The following PIWIL1 variants were observed in gnomAD, a reference collection of about 807,000 sequenced individuals.
PIWIL1 encodes the protein piwi like RNA-mediated gene silencing 1, also known as piwi-like protein 1.
PIWIL1 carries 73 observed loss-of-function variants against 114.4 expected under a neutral mutation model. That is an observed-to-expected ratio of 0.64 (90% CI 0.53 to 0.78). PIWIL1 has a LOEUF of 0.78. PIWIL1 is among the 30% of genes least tolerant of loss of function. The pLI is 0.00. For missense variants in PIWIL1, 723 were observed against 1,063.1 expected (o/e 0.68, Z 4.45); for synonymous variants, 375 against 369.0 (o/e 1.02, Z -0.19).
chr12:130,412,895 G>C, the PIWIL1 span: 1 of 1,063,562 alleles, frequency 9.4e-7, no homozygotes, highest in South Asian at 1.8e-5. Context: ...TTTAAATATA[G>C]TTTAAAAATA....
the PIWIL1 span, among the ~76,000 whole-genome samples, chr12:130,389,027 G>T: frequency 3.3e-5 from 5 of 152,096 alleles, no homozygotes; most frequent in East Asian, 5.8e-4. Context: ...AGGCATTTCT[G>T]TTGAGTTTTT....
At chr12:130,366,542 T>C (rs961147343) in intron 18 of PIWIL1, 1 of 152,168 alleles carries the variant, frequency 6.6e-6, no homozygotes, top group Non-Finnish European at 1.5e-5. Flanking sequence ...GCATCTGGCG[T>C]GTGGTAGGCC....
At chr12:130,361,956 A>G (rs1223077608) in intron 16 of PIWIL1, among the ~76,000 whole-genome samples, 1 of 152,252 alleles carries the variant, frequency 6.6e-6, no homozygotes, top group Admixed American at 6.5e-5. Context: ...GTATTTCAAC[A>G]TAATAGCATT....
the PIWIL1 span, chr12:130,414,765 C>T: frequency 6.5e-6 from 1 of 154,678 alleles, no homozygotes; most frequent in African/African-American, 2.4e-5. Context: ...GCAACAAATG[C>T]ATCCTTATTA....
downstream of PIWIL1, among the ~76,000 whole-genome samples, chr12:130,373,650 CAG>C (rs2073845091): frequency 6.6e-6 from 1 of 152,114 alleles, no homozygotes; most frequent in Non-Finnish European, 1.5e-5. Context: ...TCGGGACTCT[CAG>C]GGGAGAGGCC....
In PIWIL1 at chr12:130,343,003, G is replaced by A. The variant is rs755742617; in HGVS notation, c.92G>A (p.Gly31Asp). 2 of 1,613,862 alleles carry A rather than the reference G, an allele frequency of 1.2e-6. No homozygotes were observed. The highest frequency in any genetic ancestry group is 1.3e-5 in the African/African-American group (1 of 75,038). Residue 31 changes from glycine to aspartate, a missense_variant, in exon 3 of 21, where the codon GGT becomes GAT. Around this residue, in one of 8 missense-constraint regions of PIWIL1, gnomAD observed 91 missense variants for 76.2 expected, o/e 1.19. Coordinates refer to ENST00000245255, the MANE Select transcript of PIWIL1 (RefSeq NM_004764.5). ...LVGSTASQQP[G>D]YIQPRPQPPP... The stretch of plus-strand genomic sequence containing the variant: ...ATGTAACTACAGAGTCAGCAACCTG[G>A]TTATATTCAGCCTAGGCCTCAGCCG...
chr12:130,416,017 G>A, the PIWIL1 span, among the ~76,000 whole-genome samples: 391 of 151,928 alleles, frequency 2.6e-3, 12 homozygotes, highest in East Asian at 0.069. Context: ...CACACAGAAT[G>A]TACCTAACCA....
At chr12:130,376,976 C>T (rs543257342), downstream of PIWIL1, among the ~76,000 whole-genome samples, 19 of 152,332 alleles carry the variant, frequency 1.2e-4, no homozygotes, top group East Asian at 3.9e-4. Flanking sequence ...CCCAAGTTCC[C>T]GTGTGTTCCT....
Position 130,346,480 on chromosome 12 carries a change from A to G in PIWIL1, c.427A>G (p.Arg143Gly). Residue 143 changes from arginine to glycine, a missense_variant, in exon 5 of 21, where the codon AGA (arginine) becomes GGA (glycine). Transcript: ENST00000245255. ...HIDYNPLMEARRLRSALLFQH... is the reference protein window; with the variant it reads ...HIDYNPLMEAGRLRSALLFQH... ...TGACTATAACCCACTGATGGAAGCC[A>G]GAAGACTCCGTTCAGCTCTTCTTTT... 2 of 1,614,072 alleles carry G rather than the reference A, an allele frequency of 1.2e-6. No homozygotes were observed. The highest frequency in any genetic ancestry group is 1.7e-6 in the Non-Finnish European group (2 of 1,179,886).
At chr12:130,365,695 C>T (rs2073636138) in intron 18 of PIWIL1, among the ~76,000 whole-genome samples, 1 of 152,132 alleles carries the variant, frequency 6.6e-6, no homozygotes, top group South Asian at 2.1e-4. Context: ...AATTGTTTCT[C>T]GTGATGTTAT....
rs73450265 is a variant in PIWIL1 at position 130,367,056 on chromosome 12, C to A, written c.2196-77C>A. On this transcript the variant is annotated intron_variant, in intron 18 of 20. Coordinates refer to ENST00000245255, the MANE Select transcript of PIWIL1 (RefSeq NM_004764.5). ...GGGATGTGTTCCTTTTTAAATGGAGCATGTGAACACCTGAATGAATGAGTG... is the reference window on the plus strand; with the variant it reads ...GGGATGTGTTCCTTTTTAAATGGAGAATGTGAACACCTGAATGAATGAGTG... The A allele has an allele frequency of 7.0e-3, 10,638 of 1,519,110 alleles. 121 individuals carry two copies. Among genetic ancestry groups the A allele is most frequent in the East Asian group, 0.052 (2,294 of 44,106 alleles). The allele number at this position is 1,519,110 out of a possible 1,614,324, so 94.1% of individuals were successfully genotyped here.
At chr12:130,387,979 G>A in the PIWIL1 span, among the ~76,000 whole-genome samples, 5 of 152,164 alleles carry the variant, frequency 3.3e-5, no homozygotes, top group South Asian at 2.1e-4. Flanking sequence ...TTTCCTAGAA[G>A]TTTATAACTT....
chr12:130,348,639 A>G (rs12311736), intron 7 of PIWIL1, among the ~76,000 whole-genome samples: 5,312 of 152,266 alleles, frequency 0.035, 113 homozygotes, highest in African/African-American at 0.058. Context: ...GTGGTGGCTC[A>G]TGCCTGTAGT....
chr12:130,407,609 G>A, the PIWIL1 span: 21 of 849,928 alleles, frequency 2.5e-5, no homozygotes, highest in South Asian at 1.4e-4. Context: ...CCCTTCCTAC[G>A]GATGGTTCGG....
the PIWIL1 span, chr12:130,424,970 G>T: frequency 4.4e-5 from 24 of 544,032 alleles, no homozygotes; most frequent in Middle Eastern, 5.4e-4. The surrounding 1 kb of genome is among the most constrained non-coding windows in gnomAD (Gnocchi z 9.8). Context: ...GAGGCACCGA[G>T]GGGGGGGAAG....
At position 130,346,477 on chromosome 12, in the gene PIWIL1, G is replaced by T. The variant is rs375349486; in HGVS notation, c.424G>T (p.Ala142Ser). 129 of 1,613,708 alleles carry T rather than the reference G, an allele frequency of 8.0e-5. No homozygotes were observed. Among genetic ancestry groups the T allele is most frequent in the Non-Finnish European group, 1.0e-4 (120 of 1,179,702 alleles). The change falls in exon 5 of 21, where the codon GCC becomes TCC. Residue 142 changes from alanine (A) to serine (S), a missense_variant. Ala to Ser is a moderately conservative substitution (Grantham distance 99). This residue lies in a region of PIWIL1 where 190 missense variants were observed against 294.4 expected (regional missense o/e 0.65). Coordinates refer to ENST00000245255, the MANE Select transcript of PIWIL1 (RefSeq NM_004764.5). ...YHIDYNPLME[A>S]RRLRSALLFQ... The stretch of plus-strand genomic sequence containing the variant: ...CATTGACTATAACCCACTGATGGAA[G>T]CCAGAAGACTCCGTTCAGCTCTTCT...
At chr12:130,421,140 A>C in the PIWIL1 span, 1 of 152,100 alleles carries the variant, frequency 6.6e-6, no homozygotes, top group African/African-American at 2.4e-5. Flanking sequence ...AAGCCAGGAG[A>C]ACCGATTTAT....
chr12:130,385,308 C>T, the PIWIL1 span, among the ~76,000 whole-genome samples: 1 of 152,164 alleles, frequency 6.6e-6, no homozygotes, highest in African/African-American at 2.4e-5. Context: ...TTTTAAAGTA[C>T]TTTCTTCATT....
chr12:130,354,980 G>C lies in PIWIL1; in HGVS notation c.1264G>C (p.Gly422Arg), dbSNP rs2073324649. 6.2e-7 allele frequency: 1 copy of C among 1,609,178 alleles called. No individual in the cohort carries two copies. The highest frequency in any genetic ancestry group is 1.1e-5 in the South Asian group (1 of 90,916). The change falls in exon 11 of 21, where the codon GGA (glycine) becomes CGA (arginine). Residue 422 changes from glycine to arginine, a missense_variant. By Grantham distance (125) the Gly-to-Arg change is moderately radical. Around this residue, in one of 8 missense-constraint regions of PIWIL1, gnomAD observed 298 missense variants for 420.8 expected, o/e 0.71. Transcript: ENST00000245255. ...TCCAGAGCAAAGGCAGCGTGAAGTG[G>C]GACGACTCATTGATTACATTCATAA... ...LTPEQRQREV[G>R]RLIDYIHKND...
Sources: gnomAD v4.1 joint callset for allele counts (sites outside exome capture counted in the v4.1 genomes callset) on GRCh38, gnomAD v4.1.1 for gene constraint, gnomAD v4.1.1 regional missense constraint, Gnocchi (gnomAD v3.1) non-coding constraint, MANE v1.5 for transcripts, NCBI Gene and HGNC (gene_info 2026-07-23, HGNC 2026-07-21) for gene names.